GFRA1: variants seen among roughly 807,000 people sequenced by gnomAD.
The protein encoded by GFRA1 is GDNF family receptor alpha 1.
A neutral mutation model predicts 51.6 loss-of-function variants in GFRA1; 16 were observed. The observed-to-expected ratio is 0.31, with a 90% CI of 0.21 to 0.47. The LOEUF (loss-of-function observed/expected upper bound fraction) is 0.47, where lower values mean the gene tolerates loss of function less well. Ranked by LOEUF, GFRA1 falls within the 20% of genes least tolerant of loss-of-function variation. The probability of loss-of-function intolerance (pLI) is 1.00; values close to 1 mark genes in which losing one functional copy is unlikely to be tolerated. For missense variants in GFRA1, 530 were observed against 594.3 expected, an observed-to-expected ratio of 0.89 and a Z score of 1.13; for synonymous variants, 270 against 241.3, an observed-to-expected ratio of 1.12 and a Z score of -1.10.
At chr10:116,264,469 T>C (rs980564815) in intron 4 of GFRA1, among the ~76,000 whole-genome samples, 4 of 152,216 alleles carry the variant, frequency 2.6e-5, no homozygotes, top group African/African-American at 9.6e-5. Context: ...TCTCCGACTT[T>C]CCAGTGGGAA....
At position 116,060,958 on chromosome 10, in the gene GFRA1, A is replaced by ACAT. The variant is rs1455700812; in HGVS notation, c.*3437_*3439dup. On this transcript the variant is annotated 3_prime_UTR_variant, in exon 11 of 11. Transcript: ENST00000355422. ...AATTATATAAACTCCCACTGCTCTT[A>ACAT]CATCTCTTTTCCCAGGCACTTTACA... The ACAT allele has an allele frequency of 6.6e-6, 1 of 152,214 alleles. No homozygotes were observed. Among genetic ancestry groups the ACAT allele is most frequent in the African/African-American group, 2.4e-5 (1 of 41,462 alleles). 9.4% of individuals were successfully genotyped at this position (152,214 alleles called of 1,614,324 possible).
At chr10:116,268,125 G>A (rs1969820228) in intron 4 of GFRA1, among the ~76,000 whole-genome samples, 1 of 152,120 alleles carries the variant, frequency 6.6e-6, no homozygotes, top group Non-Finnish European at 1.5e-5. Context: ...TGAATTCCCT[G>A]GCAATGTCAA....
At chr10:116,190,498 C>CTGCAGAAGCCTGA (rs1963154243) in intron 5 of GFRA1, among the ~76,000 whole-genome samples, 1 of 152,294 alleles carries the variant, frequency 6.6e-6, no homozygotes, top group East Asian at 1.9e-4. Context: ...CCTAAAGGTA[C>CTGCAGAAGCCTGA]AGGCCCAGAA....
chr10:116,126,284 G>A (rs1957872005), intron 5 of GFRA1, among the ~76,000 whole-genome samples: 1 of 152,226 alleles, frequency 6.6e-6, no homozygotes, highest in Non-Finnish European at 1.5e-5. Context: ...ATTTCAATGG[G>A]CTCCAGGAAG....
At chr10:116,148,082 G>GTGTGCATGCA (rs1555158860) in intron 5 of GFRA1, among the ~76,000 whole-genome samples, 424 of 129,476 alleles carry the variant, frequency 3.3e-3, no homozygotes, top group African/African-American at 4.1e-3. Context: ...GTGCATGTGT[G>GTGTGCATGCA]TGTGTGCATG....
chr10:116,153,388 T>C (rs988570515), intron 5 of GFRA1, among the ~76,000 whole-genome samples: 2 of 152,206 alleles, frequency 1.3e-5, no homozygotes, highest in African/African-American at 4.8e-5. Flanking sequence ...CTAGGATACA[T>C]GTGAAAAGTG....
At chr10:116,207,610 T>C (rs1054808801) in intron 5 of GFRA1, among the ~76,000 whole-genome samples, 2 of 140,298 alleles carry the variant, frequency 1.4e-5, no homozygotes, top group Admixed American at 1.4e-4. Flanking sequence ...TAAAAATATA[T>C]GATTGATATA....
intron 5 of GFRA1, among the ~76,000 whole-genome samples, chr10:116,146,861 A>G (rs1294079608): frequency 6.6e-6 from 1 of 152,204 alleles, no homozygotes; most frequent in Non-Finnish European, 1.5e-5. Context: ...CAAATTTTAC[A>G]AATTTTTACA....
chr10:116,109,267 A>C (rs758901917), intron 6 of GFRA1, among the ~76,000 whole-genome samples: 3 of 152,152 alleles, frequency 2.0e-5, no homozygotes, highest in African/African-American at 7.2e-5. Context: ...ACAGCACTGA[A>C]AAAGAATTAA....
intron 5 of GFRA1, among the ~76,000 whole-genome samples, chr10:116,149,271 T>A (rs1325248817): frequency 6.6e-6 from 1 of 152,198 alleles, no homozygotes; most frequent in Non-Finnish European, 1.5e-5. Flanking sequence ...AAATCCTTCA[T>A]AACAGTTGAT....
intron 5 of GFRA1, among the ~76,000 whole-genome samples, chr10:116,203,628 G>C (rs1281899917): frequency 1.3e-5 from 2 of 152,124 alleles, no homozygotes; most frequent in Non-Finnish European, 2.9e-5. Flanking sequence ...TCATGAACAC[G>C]ACCACCCTCC....
intron 6 of GFRA1, among the ~76,000 whole-genome samples, chr10:116,109,215 T>A (rs945050387): frequency 6.6e-6 from 1 of 152,070 alleles, no homozygotes. Context: ...AGAGCCAGGT[T>A]TTGGAAAGAA....
intron 4 of GFRA1, among the ~76,000 whole-genome samples, chr10:116,244,991 C>G (rs1967750346): frequency 6.6e-6 from 1 of 152,132 alleles, no homozygotes; most frequent in Non-Finnish European, 1.5e-5. Flanking sequence ...CTTAAAGAAA[C>G]AATAGTTAGA....
chr10:116,202,352 C>T (rs990755188), intron 5 of GFRA1, among the ~76,000 whole-genome samples: 1 of 152,104 alleles, frequency 6.6e-6, no homozygotes, highest in Admixed American at 6.5e-5. Flanking sequence ...CTATAAGGAG[C>T]ATTGGGCGGC....
At position 116,060,904 on chromosome 10, in the gene GFRA1, T is replaced by A. The variant is rs1187240182; in HGVS notation, c.*3494A>T. ...TAAATAATAACAACAGAAATACATTTCCGCTGAATTCTGAGAAAAGAATTC... is the reference window on the plus strand; with the variant it reads ...TAAATAATAACAACAGAAATACATTACCGCTGAATTCTGAGAAAAGAATTC... On this transcript the variant is annotated 3_prime_UTR_variant, in exon 11 of 11. Transcript: ENST00000355422. The A allele has an allele frequency of 6.6e-6, 1 of 152,200 alleles. No individual in the cohort carries two copies. Among genetic ancestry groups the A allele is most frequent in the African/African-American group, 2.4e-5 (1 of 41,456 alleles). 9.4% of individuals were successfully genotyped at this position (152,200 alleles called of 1,614,324 possible).
chr10:116,254,353 G>T (rs1477460001), intron 4 of GFRA1, among the ~76,000 whole-genome samples: 2 of 145,228 alleles, frequency 1.4e-5, no homozygotes, highest in Non-Finnish European at 3.0e-5. Context: ...AGAAAGAAAA[G>T]AAAAGAAAAA....
In GFRA1 at chr10:116,254,319, C is replaced by CAAA. The variant is rs67848241; in HGVS notation, c.418+15181_418+15183dup. Among the ~76,000 whole-genome samples, 805 of 106,666 alleles carry CAAA rather than the reference C, an allele frequency of 7.5e-3. 7 individuals carry two copies. The highest frequency in any genetic ancestry group is 0.016 in the Admixed American group (147 of 9,050). 70.0% of individuals were successfully genotyped at this position (106,666 alleles called of 152,430 possible). On this transcript the variant is annotated intron_variant, in intron 4 of 10. Transcript: ENST00000355422. Reference sequence around the variant, plus strand: ...CCTGAGCAACAAAGAGAGCCTCTGTCAAAAAAAAAAAAAAAAGAAAGAAAG... The same window carrying CAAA: ...CCTGAGCAACAAAGAGAGCCTCTGTCAAAAAAAAAAAAAAAAAAAGAAAGAAAG...
chr10:116,103,463 CT>C (rs1251729723), intron 6 of GFRA1, among the ~76,000 whole-genome samples: 5 of 152,204 alleles, frequency 3.3e-5, no homozygotes, highest in Non-Finnish European at 5.9e-5. Context: ...AAGGCATCAA[CT>C]TTGACCAAAA....
Position 116,057,693 on chromosome 10 carries a change from TGAG to T in GFRA1, c.*6702_*6704del, listed in dbSNP as rs1954606241. On this transcript the variant is annotated 3_prime_UTR_variant, in exon 11 of 11. Coordinates refer to ENST00000355422, the MANE Select transcript of GFRA1 (RefSeq NM_005264.8). ...AGGGAAGGGAGAAGAAGATAGATAATGAGGAGAACTATAAGGCCCTGGATTCAG... is the reference window on the plus strand; with the variant it reads ...AGGGAAGGGAGAAGAAGATAGATAATGAGAACTATAAGGCCCTGGATTCAG... 1 of 151,174 alleles carries T rather than the reference TGAG, an allele frequency of 6.6e-6. No homozygotes were observed. The highest frequency in any genetic ancestry group is 3.5e-3 in the Middle Eastern group (1 of 288). 9.4% of individuals were successfully genotyped at this position (151,174 alleles called of 1,614,324 possible). A position where few individuals can be genotyped will look rare whatever the true frequency, so the allele number is the denominator to read the frequency against.
Sources: allele counts gnomAD v4.1 joint callset (sites outside exome capture counted in the v4.1 genomes callset), GRCh38; gene constraint gnomAD v4.1.1; transcripts MANE v1.5; gene names NCBI Gene and HGNC (gene_info 2026-07-23, HGNC 2026-07-21).